Variants in TMEM50A observed in about 807,000 individuals in gnomAD.
The protein encoded by TMEM50A is transmembrane protein 50A.
Under a neutral mutation model 23.9 loss-of-function variants are expected in TMEM50A, and 8 were observed. The observed-to-expected ratio is 0.33, with a 90% CI of 0.20 to 0.60. The LOEUF is 0.60. TMEM50A is among the 20% of genes least tolerant of loss of function. The pLI is 0.81. For synonymous variants in TMEM50A, 55 were observed against 60.4 expected, an observed-to-expected ratio of 0.91 and a Z score of 0.41; for missense variants, 178 against 192.7, an observed-to-expected ratio of 0.92 and a Z score of 0.45.
At chr1:25,349,488 T>A (rs1195586107) in intron 3 of TMEM50A, among the ~76,000 whole-genome samples, 1 of 152,240 alleles carries the variant, frequency 6.6e-6, no homozygotes. Context: ...TGTATCTATT[T>A]TATATACAAA....
intron 1 of TMEM50A, among the ~76,000 whole-genome samples, chr1:25,339,905 T>G (rs1645149319): frequency 6.6e-6 from 1 of 152,202 alleles, no homozygotes; most frequent in African/African-American, 2.4e-5. Flanking sequence ...TTGTTAATAC[T>G]GCTTAAATAT....
intron 3 of TMEM50A, among the ~76,000 whole-genome samples, chr1:25,346,696 C>G (rs1645221633): frequency 6.6e-6 from 1 of 152,118 alleles, no homozygotes; most frequent in South Asian, 2.1e-4. Flanking sequence ...ACTGTGCTCT[C>G]TGCCTTTATT....
intron 2 of TMEM50A, among the ~76,000 whole-genome samples, chr1:25,341,514 G>A (rs1645168429): frequency 6.6e-6 from 1 of 152,064 alleles, no homozygotes; most frequent in Admixed American, 6.6e-5. Flanking sequence ...GCAAAGTGCT[G>A]GAATTACAGG....
chr1:25,356,886 GTTTT>G, intron 6 of TMEM50A, 33 bp downstream of exon 6: 1 of 1,481,140 alleles, frequency 6.8e-7, no homozygotes, highest in Non-Finnish European at 9.1e-7. Context: ...ATGTTTGTTT[GTTTT>G]TTTTTAAAAT....
intron 3 of TMEM50A, among the ~76,000 whole-genome samples, chr1:25,343,855 A>G (rs1645188623): frequency 6.6e-6 from 1 of 152,252 alleles, no homozygotes; most frequent in South Asian, 2.1e-4. Flanking sequence ...GGAGACCAGT[A>G]TAACTGCAGT....
intron 4 of TMEM50A, 120 bp from the exon 5 acceptor site, chr1:25,352,760 TCA>T: frequency 1.3e-6 from 1 of 778,134 alleles, no homozygotes; most frequent in Non-Finnish European, 2.0e-6. Flanking sequence ...TTTACTGTTC[TCA>T]CGTTAGACTT....
In TMEM50A at chr1:25,360,670, T is replaced by C; in HGVS notation, c.439T>C (p.Phe147Leu). The C allele has an allele frequency of 6.2e-7, 1 of 1,614,144 alleles. No individual in the cohort carries two copies. Among genetic ancestry groups the C allele is most frequent in the Non-Finnish European group, 8.5e-7 (1 of 1,180,014 alleles). ...TTGTTTTATTCACAGAGGGCTGGTT[T>C]TTAAGTTTGGCCGCACTGAAGACTT... ...NAFIFFGGLV[F>L]KFGRTEDLWQ The change falls in exon 7 of 7, where the codon TTT becomes CTT. Residue 147 changes from phenylalanine to leucine, a missense_variant. Physicochemically the swap from Phe to Leu is conservative, Grantham distance 22. Transcript: ENST00000374358.
intron 3 of TMEM50A, among the ~76,000 whole-genome samples, chr1:25,346,267 C>G (rs940258478): frequency 6.7e-6 from 1 of 149,966 alleles, no homozygotes; most frequent in African/African-American, 2.5e-5. Flanking sequence ...CTTTTCTTTT[C>G]TTTTCATGTT....
chr1:25,351,911 A>C (rs1169803739), intron 4 of TMEM50A, among the ~76,000 whole-genome samples: 3 of 152,204 alleles, frequency 2.0e-5, no homozygotes, highest in African/African-American at 7.2e-5. Flanking sequence ...TTTTATTAAA[A>C]TGTATTTATG....
intron 6 of TMEM50A, among the ~76,000 whole-genome samples, chr1:25,357,447 G>A (rs995271540): frequency 2.0e-5 from 3 of 151,826 alleles, no homozygotes; most frequent in African/African-American, 7.3e-5. Context: ...CCTCCAACCA[G>A]CCCCCACAAC....
intron 5 of TMEM50A, 88 bp downstream of exon 5, chr1:25,353,062 C>G: frequency 7.9e-7 from 1 of 1,268,048 alleles, no homozygotes; most frequent in Non-Finnish European, 1.1e-6. Context: ...AATTTTTTTC[C>G]TATAGTTGGG....
intron 5 of TMEM50A, among the ~76,000 whole-genome samples, chr1:25,356,053 C>T (rs949946141): frequency 6.6e-6 from 1 of 152,210 alleles, no homozygotes; most frequent in African/African-American, 2.4e-5. Flanking sequence ...CCATCATAAT[C>T]TCTCACCTGA....
At chr1:25,357,609 AGT>A (rs60773283) in intron 6 of TMEM50A, among the ~76,000 whole-genome samples, 1,619 of 111,398 alleles carry the variant, frequency 0.015, 15 homozygotes, top group African/African-American at 0.029. Flanking sequence ...TCTCTCACCC[AGT>A]GTGTGTGTGT....
intron 5 of TMEM50A, among the ~76,000 whole-genome samples, chr1:25,354,722 T>C (rs1375655761): frequency 6.6e-6 from 1 of 152,218 alleles, no homozygotes; most frequent in Non-Finnish European, 1.5e-5. Context: ...ATTATCATAA[T>C]TTTTATCCCC....
chr1:25,352,890 A>G lies in TMEM50A; in HGVS notation c.283A>G (p.Ile95Val). The G allele has an allele frequency of 6.2e-7, 1 of 1,613,346 alleles. No homozygotes were observed. Among genetic ancestry groups the G allele is most frequent in the Non-Finnish European group, 8.5e-7 (1 of 1,179,824 alleles). The change falls in exon 5 of 7, where the codon ATT (isoleucine) becomes GTT (valine). Residue 95 changes from isoleucine (I) to valine (V), a missense_variant. Physicochemically the swap from Ile to Val is conservative, Grantham distance 29. Coordinates refer to ENST00000374358, the MANE Select transcript of TMEM50A (RefSeq NM_014313.4). Reference sequence around the variant, plus strand: ...ATATTATTTCTTTGAAGGTGCTCGCATTTGGCTTTTCGTTGGTTTCATGTT... The same window carrying G: ...ATATTATTTCTTTGAAGGTGCTCGCGTTTGGCTTTTCGTTGGTTTCATGTT... ...EGCLGQTGAR[I>V]WLFVGFMLAF...
intron 3 of TMEM50A, among the ~76,000 whole-genome samples, chr1:25,347,929 G>C (rs182641349): frequency 6.6e-6 from 1 of 152,282 alleles, no homozygotes; most frequent in Admixed American, 6.5e-5. Flanking sequence ...CATTGGTTTA[G>C]ATTTAAAAGT....
intron 3 of TMEM50A, among the ~76,000 whole-genome samples, chr1:25,349,306 C>T (rs1260013211): frequency 6.6e-6 from 1 of 152,166 alleles, no homozygotes; most frequent in Admixed American, 6.6e-5. Context: ...TAGCAGAGAA[C>T]AAATAGAGAT....
intron 3 of TMEM50A, among the ~76,000 whole-genome samples, chr1:25,345,794 ATT>A (rs112522769): frequency 6.8e-6 from 1 of 146,346 alleles, no homozygotes; most frequent in Non-Finnish European, 1.5e-5. Flanking sequence ...TTATTTATTT[ATT>A]TTTTTTTTTG....
intron 3 of TMEM50A, 105 bp downstream of exon 3, chr1:25,343,178 A>G (rs1645182291): frequency 2.4e-6 from 2 of 820,468 alleles, no homozygotes; most frequent in East Asian, 5.6e-5. Flanking sequence ...TCAGATTAAC[A>G]CACTGGACAT....
Sources: gnomAD v4.1 joint callset for allele counts (sites outside exome capture counted in the v4.1 genomes callset) on GRCh38, gnomAD v4.1.1 for gene constraint, MANE v1.5 for transcripts, NCBI Gene and HGNC (gene_info 2026-07-23, HGNC 2026-07-21) for gene names.